NDUFV1: variants seen among roughly 807,000 people sequenced by gnomAD.
NDUFV1 encodes NADH dehydrogenase [ubiquinone] flavoprotein 1, mitochondrial.
Under a neutral mutation model 48.7 loss-of-function variants are expected in NDUFV1, and 41 were observed. That is an observed-to-expected ratio of 0.84 (90% CI 0.66 to 1.09). The LOEUF (loss-of-function observed/expected upper bound fraction) is 1.09. Among genes scored for constraint, NDUFV1 ranks in the 50% least tolerant of loss-of-function variants. The pLI is 0.00. For synonymous variants in NDUFV1, 231 were observed against 259.1 expected (o/e 0.89, Z 1.04); for missense variants, 580 against 645.4 (o/e 0.90, Z 1.10).
In NDUFV1 at chr11:67,608,648, T is replaced by G. The variant is rs777986549; in HGVS notation, c.252T>G (p.Gly84=). 7 of 1,614,046 alleles carry G rather than the reference T, an allele frequency of 4.3e-6. No homozygotes were observed. Among genetic ancestry groups the G allele is most frequent in the Non-Finnish European group, 5.9e-6 (7 of 1,179,988 alleles). Residue 84 remains glycine, a synonymous_variant, in exon 3 of 10, where the codon GGT becomes GGG. Transcript: ENST00000322776. The part of the protein sequence containing the change: ...DWILGEIKTS[G]LRGRGGAGFP... The stretch of plus-strand genomic sequence containing the variant: ...TCCTGGGCGAGATCAAGACATCGGG[T>G]TTGAGGGGCCGTGGAGGCGCTGGCT...
chr11:67,611,454 C>T lies in NDUFV1; in HGVS notation c.965C>T (p.Ser322Leu), dbSNP rs779591861. The change falls in exon 7 of 10, where the codon TCG becomes TTG. Residue 322 changes from serine (S) to leucine (L), a missense_variant. By Grantham distance (145) the Ser-to-Leu change is moderately radical. Coordinates refer to ENST00000322776, the MANE Select transcript of NDUFV1 (RefSeq NM_007103.4). This position sits in a 1 kb window ranked among gnomAD's most constrained non-coding sequence, Gnocchi z 4.2. ...CTCCTTGCTGTGATCCCTGGCGGCT[C>T]GTCTACCCCACTGATCCCCAAGTCT... The part of the protein sequence containing the change: ...DNLLAVIPGG[S>L]STPLIPKSVC... 5.6e-6 allele frequency: 9 copies of T among 1,614,140 alleles called. No homozygotes were observed. Among genetic ancestry groups the T allele is most frequent in the South Asian group, 2.2e-5 (2 of 91,080 alleles).
In NDUFV1 at chr11:67,611,269, A is replaced by G; in HGVS notation, c.913+62A>G. ...GCAGTGGGGGCAGGTGTCCACAAAGAGAGCCTGGGCGGGAGGGCTCAGGAG... is the reference window on the plus strand; with the variant it reads ...GCAGTGGGGGCAGGTGTCCACAAAGGGAGCCTGGGCGGGAGGGCTCAGGAG... On this transcript the variant is annotated intron_variant, in intron 6 of 9. Transcript: ENST00000322776. The surrounding 1 kb of genome is among the most constrained non-coding windows in gnomAD (Gnocchi z 4.2). 6.3e-7 allele frequency: 1 copy of G among 1,599,538 alleles called. No homozygotes were observed. Among genetic ancestry groups the G allele is most frequent in the Non-Finnish European group, 8.6e-7 (1 of 1,168,992 alleles).
In NDUFV1 at chr11:67,608,472, A is replaced by C; in HGVS notation, c.149A>C (p.Asp50Ala). ...TTCACCAACCTGTACGGCCGCCATGACTGGAGGTGAGACAGTGCCCTTAGT... is the reference window on the plus strand; with the variant it reads ...TTCACCAACCTGTACGGCCGCCATGCCTGGAGGTGAGACAGTGCCCTTAGT... ...RIFTNLYGRH[D>A]WRLKGSLSRG... The change falls in exon 2 of 10, where the codon GAC becomes GCC. Residue 50 changes from aspartate (D) to alanine (A), a missense_variant. By Grantham distance (126) the Asp-to-Ala change is moderately radical. Transcript: ENST00000322776. The C allele has an allele frequency of 6.2e-7, 1 of 1,614,114 alleles. No individual in the cohort carries two copies. Among genetic ancestry groups the C allele is most frequent in the Non-Finnish European group, 8.5e-7 (1 of 1,179,996 alleles).
chr11:67,612,360 C>T lies in NDUFV1; in HGVS notation c.1309-12C>T, dbSNP rs766572269. The T allele has an allele frequency of 1.2e-6, 2 of 1,613,588 alleles. No individual in the cohort carries two copies. Among genetic ancestry groups the T allele is most frequent in the African/African-American group, 2.7e-5 (2 of 74,934 alleles). ...TGGACTCTGTTTCACATGGTCCCCC[C>T]ACCGACCCCAGGGTCTGATCCGCCA... is the stretch of plus-strand genomic sequence containing the variant. On this transcript the variant is annotated splice_polypyrimidine_tract_variant and intron_variant, in intron 9 of 9. Transcript: ENST00000322776. The surrounding 1 kb of genome is among the most constrained non-coding windows in gnomAD (Gnocchi z 4.4).
chr11:67,607,020 C>T lies in NDUFV1; in HGVS notation c.16C>T (p.Arg6Trp), dbSNP rs1422061355. Residue 6 changes from arginine to tryptophan, a missense_variant, in exon 1 of 10, where the codon CGG (arginine) becomes TGG (tryptophan). By Grantham distance (101) the Arg-to-Trp change is moderately radical. Coordinates refer to ENST00000322776, the MANE Select transcript of NDUFV1 (RefSeq NM_007103.4). MLATR[R>W]LLGWSLPARV... is the part of the protein sequence containing the mutation. The stretch of plus-strand genomic sequence containing the variant: ...GCCCGCCGCGATGCTGGCAACACGG[C>T]GGCTGCTCGGCTGGTCGCTTCCCGC... 1 of 1,609,724 alleles carries T rather than the reference C, an allele frequency of 6.2e-7. No homozygotes were observed. Among genetic ancestry groups the T allele is most frequent in the South Asian group, 1.1e-5 (1 of 90,540 alleles).
At position 67,608,388 on chromosome 11, in the gene NDUFV1, C is replaced by A. The variant is rs1565224311; in HGVS notation, c.73-8C>A. ...CACTCTGGGCCTCCTGACCCTTTGT[C>A]TCCCTAGACAGCACCCAAGAAAACC... On this transcript the variant is annotated splice_polypyrimidine_tract_variant and splice_region_variant and intron_variant, in intron 1 of 9. Coordinates refer to ENST00000322776, the MANE Select transcript of NDUFV1 (RefSeq NM_007103.4). 1 of 1,613,412 alleles carries A rather than the reference C, an allele frequency of 6.2e-7. No homozygotes were observed. Among genetic ancestry groups the A allele is most frequent in the Admixed American group, 1.7e-5 (1 of 60,000 alleles).
In NDUFV1 at chr11:67,611,459, A is replaced by G. The variant is rs367890461; in HGVS notation, c.970A>G (p.Thr324Ala). 8 of 1,613,854 alleles carry G rather than the reference A, an allele frequency of 5.0e-6. No individual in the cohort carries two copies. Among genetic ancestry groups the G allele is most frequent in the African/African-American group, 1.3e-5 (1 of 74,822 alleles). ...LLAVIPGGSS[T>A]PLIPKSVCET... ...TGCTGTGATCCCTGGCGGCTCGTCT[A>G]CCCCACTGATCCCCAAGTCTGTGTG... Residue 324 changes from threonine to alanine, a missense_variant, in exon 7 of 10, where the codon ACC (threonine) becomes GCC (alanine). Transcript: ENST00000322776. This position sits in a 1 kb window ranked among gnomAD's most constrained non-coding sequence, Gnocchi z 4.2.
At chr11:67,607,103 G>T in intron 1 of NDUFV1, 27 bp downstream of exon 1, 1 of 1,595,418 alleles carries the variant, frequency 6.3e-7, no homozygotes, top group Non-Finnish European at 8.5e-7. Flanking sequence ...CTGGGGCCAC[G>T]GGTGTTTGGG....
chr11:67,610,713 G>C, intron 5 of NDUFV1, 143 bp downstream of exon 5: 1 of 1,194,028 alleles, frequency 8.4e-7, no homozygotes, highest in Non-Finnish European at 1.2e-6. Context: ...CAACACACAG[G>C]CTCCCCCAGG....
At chr11:67,610,608 G>T (rs753521027) in intron 5 of NDUFV1, 38 bp downstream of exon 5, 1 of 1,609,420 alleles carries the variant, frequency 6.2e-7, no homozygotes, top group African/African-American at 1.3e-5. Flanking sequence ...ACTGTGTCCT[G>T]TGACACCCGG....
rs746386060 is a variant in NDUFV1 at position 67,608,667 on chromosome 11, G to T, written c.271G>T (p.Ala91Ser). 2 of 1,614,152 alleles carry T rather than the reference G, an allele frequency of 1.2e-6. No homozygotes were observed. The highest frequency in any genetic ancestry group is 1.7e-6 in the Non-Finnish European group (2 of 1,180,028). ...ATCGGGTTTGAGGGGCCGTGGAGGCGCTGGCTTCCCCACTGGCCTCAAGTG... is the reference window on the plus strand; with the variant it reads ...ATCGGGTTTGAGGGGCCGTGGAGGCTCTGGCTTCCCCACTGGCCTCAAGTG... ...KTSGLRGRGG[A>S]GFPTGLKWSF... The change falls in exon 3 of 10, where the codon GCT becomes TCT. Residue 91 changes from alanine to serine, a missense_variant. Coordinates refer to ENST00000322776, the MANE Select transcript of NDUFV1 (RefSeq NM_007103.4).
In NDUFV1 at chr11:67,612,423, G is replaced by A. The variant is rs776624327; in HGVS notation, c.1360G>A (p.Ala454Thr). 1.2e-6 allele frequency: 2 copies of A among 1,612,468 alleles called. No individual in the cohort carries two copies. The highest frequency in any genetic ancestry group is 1.7e-6 in the Non-Finnish European group (2 of 1,179,948). ...GCTCGAGGAGCGGATGCAGCGGTTT[G>A]CCCAGCAGCATCAGGCCCGGCAGGC... ...PELEERMQRF[A>T]QQHQARQAAS is the part of the protein sequence containing the mutation. Residue 454 changes from alanine (A) to threonine (T), a missense_variant, in exon 10 of 10, where the codon GCC (alanine) becomes ACC (threonine). By Grantham distance (58) the Ala-to-Thr change is moderately conservative. Transcript: ENST00000322776. This position sits in a 1 kb window ranked among gnomAD's most constrained non-coding sequence, Gnocchi z 4.4.
Position 67,611,609 on chromosome 11 carries a change from G to A in NDUFV1, c.1080+40G>A. 6.3e-7 allele frequency: 1 copy of A among 1,583,570 alleles called. No homozygotes were observed. The highest frequency in any genetic ancestry group is 1.3e-5 in the African/African-American group (1 of 74,330). On this transcript the variant is annotated intron_variant, in intron 7 of 9. Transcript: ENST00000322776. This position sits in a 1 kb window ranked among gnomAD's most constrained non-coding sequence, Gnocchi z 4.2. The stretch of plus-strand genomic sequence containing the variant: ...ACCAGCCCTGGTCCCTGCCCTCCTG[G>A]TTGCTGTCTCCCTCCCTGGGCCTCC...
Position 67,611,353 on chromosome 11 carries a change from G to A in NDUFV1, c.914-50G>A, listed in dbSNP as rs757649313. On this transcript the variant is annotated intron_variant, in intron 6 of 9. Transcript: ENST00000322776. The surrounding 1 kb of genome is among the most constrained non-coding windows in gnomAD (Gnocchi z 4.2). The stretch of plus-strand genomic sequence containing the variant: ...GGGCTCAGGACTAGGCAGGTGTGCC[G>A]GCCCCAGCCCTGACCATGCATCCCT... The A allele has an allele frequency of 1.1e-5, 18 of 1,605,428 alleles. No homozygotes were observed. The highest frequency in any genetic ancestry group is 1.7e-5 in the Admixed American group (1 of 59,668).
At chr11:67,608,795 T>C in intron 3 of NDUFV1, 73 bp downstream of exon 3, 2 of 1,596,560 alleles carry the variant, frequency 1.3e-6, no homozygotes, top group Non-Finnish European at 1.7e-6. Context: ...CCCTGGGCCT[T>C]TGGGCTCTTT....
chr11:67,609,113 G>C (rs1191295226), intron 3 of NDUFV1, among the ~76,000 whole-genome samples: 2 of 152,206 alleles, frequency 1.3e-5, no homozygotes, highest in Non-Finnish European at 2.9e-5. Context: ...AATGATAAAT[G>C]TCACCTGCTT....
intron 1 of NDUFV1, chr11:67,607,440 C>T (rs978046388): frequency 2.0e-6 from 1 of 501,324 alleles, no homozygotes; most frequent in Non-Finnish European, 3.9e-6. Flanking sequence ...CTGCTCTGCG[C>T]CCTGAAGTGG....
Position 67,609,480 on chromosome 11 carries a change from G to C in NDUFV1, c.355G>C (p.Glu119Gln). The C allele has an allele frequency of 3.1e-6, 5 of 1,613,694 alleles. No homozygotes were observed. Among genetic ancestry groups the C allele is most frequent in the Non-Finnish European group, 4.2e-6 (5 of 1,180,002 alleles). Residue 119 changes from glutamate (E) to glutamine (Q), a missense_variant, in exon 4 of 10, where the codon GAG becomes CAG. Physicochemically the swap from Glu to Gln is conservative, Grantham distance 29 (BLOSUM62 2). Transcript: ENST00000322776. ...CAAGTATCTGGTGGTGAACGCAGAC[G>C]AGGGGGAGCCGGGCACCTGCAAGGA... ...RPKYLVVNAD[E>Q]GEPGTCKDRE...
rs368139042 is a variant in NDUFV1 at position 67,610,503 on chromosome 11, G to A, written c.633G>A (p.Ala211=). 25 of 1,614,056 alleles carry A rather than the reference G, an allele frequency of 1.5e-5. No homozygotes were observed. Among genetic ancestry groups the A allele is most frequent in the African/African-American group, 1.1e-4 (8 of 74,914 alleles). Residue 211 remains alanine (A), a synonymous_variant, in exon 5 of 10, where the codon GCG becomes GCA. Coordinates refer to ENST00000322776, the MANE Select transcript of NDUFV1 (RefSeq NM_007103.4). ...AGAYICGEET[A]LIESIEGKQG... Reference sequence around the variant, plus strand: ...CCTACATCTGTGGAGAGGAGACAGCGCTCATCGAGTCCATTGAGGGCAAGC... The same window carrying A: ...CCTACATCTGTGGAGAGGAGACAGCACTCATCGAGTCCATTGAGGGCAAGC...
Sources: allele counts gnomAD v4.1 joint callset (sites outside exome capture counted in the v4.1 genomes callset), GRCh38; gene constraint gnomAD v4.1.1; non-coding constraint Gnocchi (gnomAD v3.1); transcripts MANE v1.5; gene names NCBI Gene and HGNC (gene_info 2026-07-23, HGNC 2026-07-21).